Variants in MVB12B observed in about 807,000 individuals in gnomAD.
MVB12B encodes multivesicular body subunit 12B, also known as ESCRT-I complex subunit MVB12B.
A neutral mutation model predicts 41.6 loss-of-function variants in MVB12B; 16 were observed. That is an observed-to-expected ratio of 0.38 (90% confidence interval 0.26 to 0.58). The LOEUF is 0.58. MVB12B is among the 20% of genes least tolerant of loss of function. The pLI is 0.62. For synonymous variants in MVB12B, 133 were observed against 139.7 expected (o/e 0.95, Z 0.34); for missense variants, 274 against 380.2 (o/e 0.72, Z 2.32).
intron 2 of MVB12B, among the ~76,000 whole-genome samples, chr9:126,369,644 G>GT (rs891504264): frequency 2.1e-4 from 31 of 151,100 alleles, no homozygotes; most frequent in South Asian, 4.2e-4. Flanking sequence ...TTTCACGTGG[G>GT]TTTTTTTTTG....
intron 2 of MVB12B, among the ~76,000 whole-genome samples, chr9:126,346,940 C>G (rs970751518): frequency 2.9e-4 from 44 of 152,302 alleles, no homozygotes; most frequent in African/African-American, 1.0e-3. Context: ...TAGAGTGGAC[C>G]TGCAAGGTAA....
chr9:126,500,449 C>T (rs562173061), intron 9 of MVB12B, among the ~76,000 whole-genome samples: 2 of 152,262 alleles, frequency 1.3e-5, no homozygotes, highest in South Asian at 4.1e-4. Flanking sequence ...CCTTCCCTCT[C>T]TGCCCATCCA....
intron 7 of MVB12B, among the ~76,000 whole-genome samples, chr9:126,464,529 C>T (rs1050099730): frequency 4.6e-5 from 7 of 152,284 alleles, no homozygotes; most frequent in South Asian, 4.2e-4. Context: ...GAATGGTACA[C>T]GAGGTCTGCA....
At chr9:126,366,134 G>A (rs1345768436) in intron 2 of MVB12B, among the ~76,000 whole-genome samples, 2 of 151,774 alleles carry the variant, frequency 1.3e-5, no homozygotes, top group Non-Finnish European at 1.5e-5. Flanking sequence ...TAGCAGATGC[G>A]GCCTCCGCCA....
At chr9:126,469,144 TCAGCCTGGG>T (rs1246225186) in intron 7 of MVB12B, among the ~76,000 whole-genome samples, 4 of 152,134 alleles carry the variant, frequency 2.6e-5, no homozygotes, top group Admixed American at 2.6e-4. Context: ...CCACTGCACT[TCAGCCTGGG>T]TGATAGAGCA....
chr9:126,435,658 C>CAAAAAAAAA (rs34798291), intron 7 of MVB12B, among the ~76,000 whole-genome samples: 1 of 125,080 alleles, frequency 8.0e-6, no homozygotes, highest in Admixed American at 8.1e-5. Flanking sequence ...TTATTTTAGC[C>CAAAAAAAAA]AAAAAAAAAA....
intron 7 of MVB12B, among the ~76,000 whole-genome samples, chr9:126,451,018 C>A (rs1239811863): frequency 6.6e-6 from 1 of 152,274 alleles, no homozygotes; most frequent in Non-Finnish European, 1.5e-5. Flanking sequence ...CTGGGCTCTG[C>A]GGTGAGTGGC....
intron 2 of MVB12B, among the ~76,000 whole-genome samples, chr9:126,363,048 G>A (rs1387661026): frequency 3.3e-5 from 5 of 151,894 alleles, no homozygotes; most frequent in South Asian, 2.1e-4. Flanking sequence ...TTAGCTGGGT[G>A]TAGTGGCGGG....
At position 126,492,118 on chromosome 9, in the gene MVB12B, G is replaced by GCACA. The variant is rs35494875; in HGVS notation, c.873+8102_873+8105dup. Among the ~76,000 whole-genome samples, 129 of 143,396 alleles carry GCACA rather than the reference G, an allele frequency of 9.0e-4. 1 individual carries two copies. Among genetic ancestry groups the GCACA allele is most frequent in the South Asian group, 3.1e-3 (13 of 4,252 alleles). 94.1% of individuals were successfully genotyped at this position (143,396 alleles called of 152,430 possible). Reference sequence around the variant, plus strand: ...CCCTCCGTCCACTCCTGCGGCACGTGCACACACACACACACACACGCTCAG... The same window carrying GCACA: ...CCCTCCGTCCACTCCTGCGGCACGTGCACACACACACACACACACACACGCTCAG... On this transcript the variant is annotated intron_variant, in intron 9 of 9. Transcript: ENST00000361171.
chr9:126,503,646 C>T lies in MVB12B; in HGVS notation c.*383C>T, dbSNP rs2119249483. ...TCCCTCCGCTCCCTCCTGTCACCTA[C>T]CAGGGCAGACCCCACTAAGCCGTTG... is the stretch of plus-strand genomic sequence containing the variant. On this transcript the variant is annotated 3_prime_UTR_variant, in exon 10 of 10. Transcript: ENST00000361171. The T allele has an allele frequency of 3.6e-6, 1 of 275,964 alleles. No homozygotes were observed. 17.1% of individuals were successfully genotyped at this position (275,964 alleles called of 1,614,324 possible). A position where few individuals can be genotyped will look rare whatever the true frequency, so the allele number is the denominator to read the frequency against.
chr9:126,388,652 T>C (rs996555987), intron 4 of MVB12B, among the ~76,000 whole-genome samples: 15 of 152,208 alleles, frequency 9.9e-5, no homozygotes, highest in African/African-American at 3.6e-4. Flanking sequence ...CCACCAGCAG[T>C]GTCCTTAGAT....
rs79959293 is a variant in MVB12B at position 126,420,301 on chromosome 9, C to T, written c.663-1553C>T. Among the ~76,000 whole-genome samples, 602 of 152,366 alleles carry T rather than the reference C, an allele frequency of 4.0e-3. 11 individuals carry two copies. The East Asian group carries it at 0.049, about 12-fold the overall frequency. The stretch of plus-strand genomic sequence containing the variant: ...AGAATATTCAGGTTCCCTCCATGCA[C>T]GCCAGTGCACCCGGTGGACACACTT... On this transcript the variant is annotated intron_variant, in intron 6 of 9. Coordinates refer to ENST00000361171, the MANE Select transcript of MVB12B (RefSeq NM_033446.3).
chr9:126,433,564 C>T (rs547032321), intron 7 of MVB12B, among the ~76,000 whole-genome samples: 1 of 152,226 alleles, frequency 6.6e-6, no homozygotes, highest in African/African-American at 2.4e-5. Context: ...CCGTGAGTCC[C>T]TGTACCCTGC....
intron 7 of MVB12B, among the ~76,000 whole-genome samples, chr9:126,465,995 G>A (rs1367378893): frequency 6.6e-6 from 1 of 152,182 alleles, no homozygotes; most frequent in Non-Finnish European, 1.5e-5. Flanking sequence ...TACAAAGAGA[G>A]CAGTTTCTGG....
At chr9:126,413,436 T>C (rs1831709345) in intron 6 of MVB12B, among the ~76,000 whole-genome samples, 1 of 152,190 alleles carries the variant, frequency 6.6e-6, no homozygotes, top group Admixed American at 6.5e-5. Flanking sequence ...AGTCAACTGA[T>C]GATATTTTTA....
At chr9:126,433,041 A>G (rs562799401) in intron 7 of MVB12B, among the ~76,000 whole-genome samples, 1 of 152,132 alleles carries the variant, frequency 6.6e-6, no homozygotes, top group East Asian at 1.9e-4. Context: ...GGCTCCCATC[A>G]CTCTTGCTGG....
Position 126,480,945 on chromosome 9 carries a change from C to A in MVB12B, c.758-424C>A, listed in dbSNP as rs1421574385. 5.8e-6 allele frequency: 1 copy of A among 172,300 alleles called. No individual in the cohort carries two copies. Among genetic ancestry groups the A allele is most frequent in the African/African-American group, 2.4e-5 (1 of 41,994 alleles). The allele number at this position is 172,300 out of a possible 1,614,324, so 10.7% of individuals were successfully genotyped here. Reference sequence around the variant, plus strand: ...TCTTTTCCCCTGAGTCCAACAGCACCTTAGAGCATGTCTAATGCACGTGCT... The same window carrying A: ...TCTTTTCCCCTGAGTCCAACAGCACATTAGAGCATGTCTAATGCACGTGCT... On this transcript the variant is annotated intron_variant, in intron 7 of 9. Coordinates refer to ENST00000361171, the MANE Select transcript of MVB12B (RefSeq NM_033446.3). This position sits in a 1 kb window ranked among gnomAD's most constrained non-coding sequence, Gnocchi z 4.9.
intron 7 of MVB12B, among the ~76,000 whole-genome samples, chr9:126,465,512 G>C (rs1833181020): frequency 6.6e-6 from 1 of 152,160 alleles, no homozygotes; most frequent in South Asian, 2.1e-4. Context: ...TTGCCCAAAA[G>C]CTGGGCCCCC....
At chr9:126,403,272 T>C (rs1418889871) in intron 6 of MVB12B, among the ~76,000 whole-genome samples, 1 of 152,222 alleles carries the variant, frequency 6.6e-6, no homozygotes, top group Non-Finnish European at 1.5e-5. Flanking sequence ...ACCATTCTTA[T>C]TCCAAAAGCA....
Sources: gnomAD v4.1 joint callset for allele counts (sites outside exome capture counted in the v4.1 genomes callset) on GRCh38, gnomAD v4.1.1 for gene constraint, Gnocchi (gnomAD v3.1) non-coding constraint, MANE v1.5 for transcripts, NCBI Gene and HGNC (gene_info 2026-07-23, HGNC 2026-07-21) for gene names.